The following SLAMF1 variants were observed in gnomAD, a reference collection of about 807,000 sequenced individuals.
The protein encoded by SLAMF1 is signaling lymphocytic activation molecule.
In SLAMF1, 18 loss-of-function variants were observed where a neutral mutation model predicts 35.1. The observed-to-expected ratio is 0.51, with a 90% CI of 0.35 to 0.76. The LOEUF is 0.76. SLAMF1 is among the 30% of genes least tolerant of loss of function. The pLI is 0.01. For synonymous variants in SLAMF1, 168 were observed against 157.2 expected (o/e 1.07, Z -0.51); for missense variants, 392 against 413.0 (o/e 0.95, Z 0.44).
chr1:160,640,785 G>A (rs1307413061), intron 1 of SLAMF1, among the ~76,000 whole-genome samples: 2 of 152,134 alleles, frequency 1.3e-5, no homozygotes, highest in Non-Finnish European at 2.9e-5. Flanking sequence ...AATTGTTGAG[G>A]AAAAGTGAGA....
At chr1:160,632,636 T>C (rs563225845) in intron 3 of SLAMF1, among the ~76,000 whole-genome samples, 40 of 152,284 alleles carry the variant, frequency 2.6e-4, no homozygotes, top group African/African-American at 9.1e-4. Flanking sequence ...GTTCTGCCCC[T>C]TTTTTGGGTT....
intron 2 of SLAMF1, chr1:160,636,990 T>C: frequency 1.7e-6 from 1 of 584,734 alleles, no homozygotes. Flanking sequence ...CTTAATCAGC[T>C]ACCATCAATA....
intron 3 of SLAMF1, among the ~76,000 whole-genome samples, chr1:160,632,424 G>A (rs1259898996): frequency 6.6e-6 from 1 of 152,134 alleles, no homozygotes; most frequent in Non-Finnish European, 1.5e-5. Context: ...CTCCTCACAA[G>A]AACCAGCTTC....
Position 160,619,811 on chromosome 1 carries a change from T to A in SLAMF1, c.829A>T (p.Ser277Cys). 6.3e-7 allele frequency: 1 copy of A among 1,589,644 alleles called. No homozygotes were observed. ...TGGACTTGGGCATAGATCGTAAGGC[T>A]TTTTTTTTCCACTGTTGTCTGGTAA... is the stretch of plus-strand genomic sequence containing the variant. ...NHYQTTVEKKSLTIYAQVQKP... is the reference protein window; with the variant it reads ...NHYQTTVEKKCLTIYAQVQKP... Residue 277 changes from serine (S) to cysteine (C), a missense_variant, in exon 5 of 7, where the codon AGC (serine) becomes TGC (cysteine). Coordinates refer to ENST00000302035, the MANE Select transcript of SLAMF1 (RefSeq NM_003037.5).
At chr1:160,615,393 A>G (rs968345489) in intron 5 of SLAMF1, among the ~76,000 whole-genome samples, 47 of 152,152 alleles carry the variant, frequency 3.1e-4, no homozygotes, top group African/African-American at 9.6e-5. Flanking sequence ...GTTGTATTTT[A>G]TAATTTCTAG....
chr1:160,625,644 T>G (rs1206680490), intron 3 of SLAMF1, among the ~76,000 whole-genome samples: 3 of 152,180 alleles, frequency 2.0e-5, no homozygotes, highest in African/African-American at 7.2e-5. Context: ...AATTAAATGT[T>G]TTAATTTTGC....
chr1:160,640,324 TCATATATATATATATATATATA>T (rs1209016278), intron 1 of SLAMF1, among the ~76,000 whole-genome samples: 1 of 39,554 alleles, frequency 2.5e-5, no homozygotes, highest in Non-Finnish European at 5.1e-5. Flanking sequence ...ATTAGGTTTG[TCATATATATATATATATATATA>T]TATATATATA....
rs1658862692 is a variant in SLAMF1, at chr1:160,609,418, C to A, written c.*1330G>T. The A allele has an allele frequency of 6.6e-6, 1 of 152,168 alleles. No individual in the cohort carries two copies. Among genetic ancestry groups the A allele is most frequent in the African/African-American group, 2.4e-5 (1 of 41,414 alleles). 9.4% of individuals were successfully genotyped at this position (152,168 alleles called of 1,614,324 possible). A position where few individuals can be genotyped will look rare whatever the true frequency, so the allele number is the denominator to read the frequency against. ...GTACCAGGAAACGAGATGCACTAAG[C>A]AACAGGCTTACAATGTGAATTGACC... On this transcript the variant is annotated 3_prime_UTR_variant, in exon 7 of 7. Coordinates refer to ENST00000302035, the MANE Select transcript of SLAMF1 (RefSeq NM_003037.5).
chr1:160,645,734 A>C (rs970789452), intron 1 of SLAMF1, among the ~76,000 whole-genome samples: 3 of 152,208 alleles, frequency 2.0e-5, no homozygotes, highest in African/African-American at 7.2e-5. Context: ...GACCTTGGGA[A>C]GTACGAGCCA....
Position 160,608,954 on chromosome 1 carries a change from C to G in SLAMF1, c.*1794G>C, listed in dbSNP as rs1394683632. On this transcript the variant is annotated 3_prime_UTR_variant, in exon 7 of 7. Coordinates refer to ENST00000302035, the MANE Select transcript of SLAMF1 (RefSeq NM_003037.5). Reference sequence around the variant, plus strand: ...TGCCAGATATTCAATTCCCAGCCCCCCTTGGAGATAGGACATGGACATGTG... The same window carrying G: ...TGCCAGATATTCAATTCCCAGCCCCGCTTGGAGATAGGACATGGACATGTG... 1 of 152,142 alleles carries G rather than the reference C, an allele frequency of 6.6e-6. No individual in the cohort carries two copies. Among genetic ancestry groups the G allele is most frequent in the African/African-American group, 2.4e-5 (1 of 41,420 alleles). 9.4% of individuals were successfully genotyped at this position (152,142 alleles called of 1,614,324 possible). A position where few individuals can be genotyped will look rare whatever the true frequency, so the allele number is the denominator to read the frequency against.
intron 1 of SLAMF1, among the ~76,000 whole-genome samples, chr1:160,641,479 AAAAAT>A (rs902752573): frequency 2.0e-5 from 3 of 152,256 alleles, no homozygotes; most frequent in Non-Finnish European, 4.4e-5. Flanking sequence ...AAAAAAATAA[AAAAAT>A]AAAATAAACG....
chr1:160,637,089 C>T, intron 2 of SLAMF1, 102 bp downstream of exon 2: 2 of 736,826 alleles, frequency 2.7e-6, no homozygotes, highest in South Asian at 1.7e-5. Flanking sequence ...ATTCTAGTTA[C>T]TTCCAATTCT....
In SLAMF1 at chr1:160,642,966, A is replaced by C. The variant is rs561770269; in HGVS notation, c.76+3904T>G. 2.8e-4 allele frequency among the ~76,000 whole-genome samples: 43 copies of C among 152,318 alleles called. No homozygotes were observed. Among genetic ancestry groups the C allele is most frequent in the African/African-American group, 1.0e-3 (42 of 41,570 alleles). On this transcript the variant is annotated intron_variant, in intron 1 of 6. Coordinates refer to ENST00000302035, the MANE Select transcript of SLAMF1 (RefSeq NM_003037.5). The surrounding 1 kb of genome is among the most constrained non-coding windows in gnomAD (Gnocchi z 4.2). Reference sequence around the variant, plus strand: ...TATTCATTTTTATTAACTTTATCCCAAATGTGCACATGAGATATACTGGAT... The same window carrying C: ...TATTCATTTTTATTAACTTTATCCCCAATGTGCACATGAGATATACTGGAT...
chr1:160,641,132 T>C (rs1270128423), intron 1 of SLAMF1, among the ~76,000 whole-genome samples: 2 of 152,194 alleles, frequency 1.3e-5, no homozygotes, highest in African/African-American at 4.8e-5. Context: ...ACTTCCAGAC[T>C]TTTGTATAAA....
rs898449107 is a variant in SLAMF1, at chr1:160,624,893, T to A, written c.701-708A>T. Among the ~76,000 whole-genome samples, 3 of 152,198 alleles carry A rather than the reference T, an allele frequency of 2.0e-5. No homozygotes were observed. In the South Asian group the frequency reaches 6.2e-4, roughly 32 times the overall value. Reference sequence around the variant, plus strand: ...ACTTTGACAAACAGTGAATGAGAATTATCACCCCCAGTAAACAAGACATGT... The same window carrying A: ...ACTTTGACAAACAGTGAATGAGAATAATCACCCCCAGTAAACAAGACATGT... On this transcript the variant is annotated intron_variant, in intron 3 of 6. Coordinates refer to ENST00000302035, the MANE Select transcript of SLAMF1 (RefSeq NM_003037.5).
At chr1:160,617,389 C>T (rs895365795) in intron 5 of SLAMF1, among the ~76,000 whole-genome samples, 9 of 152,206 alleles carry the variant, frequency 5.9e-5, no homozygotes, top group Non-Finnish European at 1.0e-4. Context: ...ACAGCTGCAA[C>T]TTTCATAATA....
In SLAMF1 at chr1:160,608,233, C is replaced by T. The variant is rs1226893480; in HGVS notation, c.*2515G>A. 6.6e-6 allele frequency: 1 copy of T among 152,242 alleles called. No homozygotes were observed. The highest frequency in any genetic ancestry group is 6.5e-5 in the Admixed American group (1 of 15,284). 9.4% of individuals were successfully genotyped at this position (152,242 alleles called of 1,614,324 possible). On this transcript the variant is annotated 3_prime_UTR_variant, in exon 7 of 7. Coordinates refer to ENST00000302035, the MANE Select transcript of SLAMF1 (RefSeq NM_003037.5). ...ACCCGCTGTAACAATCACATCCCCG[C>T]TGTGTGAATGGAGGAAGCGTCCTGA...
intron 2 of SLAMF1, among the ~76,000 whole-genome samples, chr1:160,635,222 C>T (rs1420947217): frequency 6.6e-6 from 1 of 152,234 alleles, no homozygotes; most frequent in African/African-American, 2.4e-5. Context: ...TTGCTGTCAA[C>T]TAATCCACCA....
At chr1:160,640,327 T>TA (rs1660674582) in intron 1 of SLAMF1, among the ~76,000 whole-genome samples, 1 of 81,768 alleles carries the variant, frequency 1.2e-5, no homozygotes, top group South Asian at 4.3e-4. Flanking sequence ...AGGTTTGTCA[T>TA]ATATATATAT....
Sources: gnomAD v4.1 joint callset for allele counts (sites outside exome capture counted in the v4.1 genomes callset) on GRCh38, gnomAD v4.1.1 for gene constraint, Gnocchi (gnomAD v3.1) non-coding constraint, MANE v1.5 for transcripts, NCBI Gene and HGNC (gene_info 2026-07-23, HGNC 2026-07-21) for gene names.